PCDHGB2: variants seen among roughly 807,000 people sequenced by gnomAD.
PCDHGB2 encodes protocadherin gamma subfamily B, 2.
Under a neutral mutation model 59.3 loss-of-function variants are expected in PCDHGB2, and 55 were observed. The ratio of observed to expected loss-of-function variants is 0.93; its 90% confidence interval spans 0.75 to 1.16. The LOEUF is 1.16. Ranked by LOEUF, PCDHGB2 falls within the 50% of genes most tolerant of loss-of-function variation. The pLI is 0.00. For missense variants in PCDHGB2, 1,228 were observed against 1,198.5 expected (o/e 1.02, Z -0.36); for synonymous variants, 516 against 512.0 (o/e 1.01, Z -0.11).
chr5:141,420,669 G>A (rs1018355067), intron 1 of PCDHGB2, among the ~76,000 whole-genome samples: 2 of 152,202 alleles, frequency 1.3e-5, no homozygotes, highest in South Asian at 2.1e-4. Context: ...CATCCTACCT[G>A]ATGATTTTAT....
intron 1 of PCDHGB2, among the ~76,000 whole-genome samples, chr5:141,460,889 G>A (rs901987902): frequency 3.3e-5 from 5 of 150,280 alleles, no homozygotes; most frequent in East Asian, 3.9e-4. Flanking sequence ...ATGCCTTTTC[G>A]TGGCTGAGTA....
chr5:141,389,111 C>G (rs752785695), intron 1 of PCDHGB2: 8 of 1,614,008 alleles, frequency 5.0e-6, no homozygotes, highest in Non-Finnish European at 6.8e-6. Flanking sequence ...CTGTTCTAGA[C>G]CGCGAGCAGA....
Position 141,374,036 on chromosome 5 carries a change from T to A in PCDHGB2, c.2421+11480T>A, listed in dbSNP as rs1197277740. On this transcript the variant is annotated intron_variant, in intron 1 of 3. Coordinates refer to ENST00000522605, the MANE Select transcript of PCDHGB2 (RefSeq NM_018923.3). The stretch of plus-strand genomic sequence containing the variant: ...CTGAGAAGAGCAAAAGTGATGCAGA[T>A]CTGTTCTTCCTCTTCTTAATCCCAG... 3.5e-6 allele frequency: 5 copies of A among 1,445,796 alleles called. No individual in the cohort carries two copies. In the Admixed American group the frequency reaches 1.1e-4, roughly 32 times the overall value. 89.6% of individuals were successfully genotyped at this position (1,445,796 alleles called of 1,614,324 possible). A position where few individuals can be genotyped will look rare whatever the true frequency, so the allele number is the denominator to read the frequency against.
chr5:141,399,753 G>A (rs1418820057), intron 1 of PCDHGB2: 6 of 1,613,252 alleles, frequency 3.7e-6, no homozygotes, highest in Middle Eastern at 1.7e-4. Flanking sequence ...GCGCAAACGT[G>A]AGCCTGCGCG....
At chr5:141,450,702 G>A (rs1466981422) in intron 1 of PCDHGB2, among the ~76,000 whole-genome samples, 1 of 152,026 alleles carries the variant, frequency 6.6e-6, no homozygotes, top group Non-Finnish European at 1.5e-5. Flanking sequence ...GCCCAGGATG[G>A]TCTCCAACTC....
At chr5:141,417,555 TAGAGA>T (rs926975589) in intron 1 of PCDHGB2, 38 of 335,630 alleles carry the variant, frequency 1.1e-4, no homozygotes, top group Non-Finnish European at 1.5e-4. Context: ...TTGAAAGAGG[TAGAGA>T]AAAGTCAAGT....
intron 1 of PCDHGB2, among the ~76,000 whole-genome samples, chr5:141,363,346 G>C (rs1762883657): frequency 6.6e-6 from 1 of 152,068 alleles, no homozygotes; most frequent in African/African-American, 2.4e-5. Flanking sequence ...ATGACTTTCT[G>C]AAATGTCCAT....
intron 1 of PCDHGB2, chr5:141,409,931 A>G: frequency 1.2e-6 from 2 of 1,613,260 alleles, no homozygotes; most frequent in Non-Finnish European, 1.7e-6. Flanking sequence ...GTTCTTCGAT[A>G]TGGTACCTCG....
rs1562157859 is a variant in PCDHGB2 at position 141,493,022 on chromosome 5, G to GTGCC, written c.2422-1784_2422-1781dup. Among the ~76,000 whole-genome samples, 2 of 152,222 alleles carry GTGCC rather than the reference G, an allele frequency of 1.3e-5. No homozygotes were observed. Among genetic ancestry groups the GTGCC allele is most frequent in the African/African-American group, 4.8e-5 (2 of 41,454 alleles). ...GCTATAGGCTCTGCCAGATGCCAGG[G>GTGCC]TGCCCTTATGTGTGAGGAAACTACA... On this transcript the variant is annotated intron_variant, in intron 1 of 3. Coordinates refer to ENST00000522605, the MANE Select transcript of PCDHGB2 (RefSeq NM_018923.3). The surrounding 1 kb of genome is among the most constrained non-coding windows in gnomAD (Gnocchi z 4.3).
Position 141,491,947 on chromosome 5 carries a change from C to T in PCDHGB2, c.2422-2860C>T. ...GGGGAGGTGGGACCGACCCCCACCCCTACACTCAAAAAAGGCCGGGGCCTC... is the reference window on the plus strand; with the variant it reads ...GGGGAGGTGGGACCGACCCCCACCCTTACACTCAAAAAAGGCCGGGGCCTC... On this transcript the variant is annotated intron_variant, in intron 1 of 3. Coordinates refer to ENST00000522605, the MANE Select transcript of PCDHGB2 (RefSeq NM_018923.3). The surrounding 1 kb of genome is among the most constrained non-coding windows in gnomAD (Gnocchi z 6.9). 1 of 1,114,210 alleles carries T rather than the reference C, an allele frequency of 9.0e-7. No individual in the cohort carries two copies. The highest frequency in any genetic ancestry group is 1.2e-6 in the Non-Finnish European group (1 of 815,758). 69.0% of individuals were successfully genotyped at this position (1,114,210 alleles called of 1,614,324 possible). A position where few individuals can be genotyped will look rare whatever the true frequency, so the allele number is the denominator to read the frequency against.
chr5:141,380,649 A>G (rs1354203302), intron 1 of PCDHGB2, among the ~76,000 whole-genome samples: 1 of 152,230 alleles, frequency 6.6e-6, no homozygotes, highest in East Asian at 1.9e-4. Flanking sequence ...GCTAGAGACA[A>G]TGAAGCCATT....
At chr5:141,401,599 G>A (rs368569328) in intron 1 of PCDHGB2, among the ~76,000 whole-genome samples, 22 of 152,278 alleles carry the variant, frequency 1.4e-4, no homozygotes, top group African/African-American at 4.8e-4. Context: ...CTTGAAGAAG[G>A]GGAAAAAGAC....
Position 141,360,930 on chromosome 5 carries a change from A to T in PCDHGB2, c.795A>T (p.Thr265=). 1 of 1,614,028 alleles carries T rather than the reference A, an allele frequency of 6.2e-7. No individual in the cohort carries two copies. The highest frequency in any genetic ancestry group is 2.2e-5 in the East Asian group (1 of 44,884). ...VPPGFFVLQV[T]ATDRDEGINA... is the part of the protein sequence containing the mutation. The stretch of plus-strand genomic sequence containing the variant: ...CGGGCTTCTTTGTGCTTCAAGTGAC[A>T]GCCACCGACCGGGATGAAGGCATAA... The change falls in exon 1 of 4, where the codon ACA becomes ACT. Residue 265 remains threonine (T), a synonymous_variant. Coordinates refer to ENST00000522605, the MANE Select transcript of PCDHGB2 (RefSeq NM_018923.3).
At position 141,431,982 on chromosome 5, in the gene PCDHGB2, T is replaced by G. The variant is rs2097433926; in HGVS notation, c.2422-62825T>G. The G allele has an allele frequency of 6.2e-7, 1 of 1,614,212 alleles. No homozygotes were observed. Among genetic ancestry groups the G allele is most frequent in the African/African-American group, 1.3e-5 (1 of 75,056 alleles). ...AATTACTATAGTTTAGTCACAGACA[T>G]AGTCTTGGATAGGGAACAGGTTCCT... On this transcript the variant is annotated intron_variant, in intron 1 of 3. Transcript: ENST00000522605. The surrounding 1 kb of genome is among the most constrained non-coding windows in gnomAD (Gnocchi z 4.8).
rs1444834123 is a variant in PCDHGB2 at position 141,362,570 on chromosome 5, A to T, written c.2421+14A>T. 1 of 1,606,622 alleles carries T rather than the reference A, an allele frequency of 6.2e-7. No homozygotes were observed. Among genetic ancestry groups the T allele is most frequent in the Non-Finnish European group, 8.5e-7 (1 of 1,176,538 alleles). On this transcript the variant is annotated intron_variant, in intron 1 of 3. Coordinates refer to ENST00000522605, the MANE Select transcript of PCDHGB2 (RefSeq NM_018923.3). ...ACTATTTTGAAGGTGAGCTTTAATT[A>T]ATTTATTTTCACTTCTGGTTTTATT...
In PCDHGB2 at chr5:141,362,108, C is replaced by T; in HGVS notation, c.1973C>T (p.Ala658Val). 8.1e-6 allele frequency: 13 copies of T among 1,613,972 alleles called. No individual in the cohort carries two copies. Among genetic ancestry groups the T allele is most frequent in the Non-Finnish European group, 1.1e-5 (13 of 1,179,902 alleles). The change falls in exon 1 of 4, where the codon GCC becomes GTC. Residue 658 changes from alanine (A) to valine (V), a missense_variant. By Grantham distance (64) the Ala-to-Val change is moderately conservative. Coordinates refer to ENST00000522605, the MANE Select transcript of PCDHGB2 (RefSeq NM_018923.3). The stretch of plus-strand genomic sequence containing the variant: ...GGACAGCCGCCACTCTCCGCTACGG[C>T]CACGCTGCACCTAATCTTCGCGGAT... Reference protein sequence around the residue: ...DGGQPPLSATATLHLIFADSL... With the variant: ...DGGQPPLSATVTLHLIFADSL...
Position 141,491,248 on chromosome 5 carries a change from G to T in PCDHGB2, c.2422-3559G>T, listed in dbSNP as rs757712577. On this transcript the variant is annotated intron_variant, in intron 1 of 3. Transcript: ENST00000522605. The surrounding 1 kb of genome is among the most constrained non-coding windows in gnomAD (Gnocchi z 6.9). ...AGTGCTGCTGGTTCTGGAGGATGAG[G>T]ACCCTGAGGAAATGCCCAAATCCAG... 3 of 1,614,170 alleles carry T rather than the reference G, an allele frequency of 1.9e-6. No individual in the cohort carries two copies. Among genetic ancestry groups the T allele is most frequent in the Non-Finnish European group, 2.5e-6 (3 of 1,180,018 alleles).
intron 1 of PCDHGB2, chr5:141,382,731 A>C: frequency 3.6e-6 from 2 of 554,530 alleles, no homozygotes; most frequent in Non-Finnish European, 6.1e-6. Context: ...TTTACAGCAC[A>C]GAGAAACGAC....
chr5:141,493,204 C>T lies in PCDHGB2; in HGVS notation c.2422-1603C>T, dbSNP rs2099746929. Among the ~76,000 whole-genome samples, 1 of 152,216 alleles carries T rather than the reference C, an allele frequency of 6.6e-6. No individual in the cohort carries two copies. Among genetic ancestry groups the T allele is most frequent in the Non-Finnish European group, 1.5e-5 (1 of 68,042 alleles). Reference sequence around the variant, plus strand: ...TATATAACTCCTTTGAGAACCTCATCTCATTTGCTCTTCCCACCATTGCTG... The same window carrying T: ...TATATAACTCCTTTGAGAACCTCATTTCATTTGCTCTTCCCACCATTGCTG... On this transcript the variant is annotated intron_variant, in intron 1 of 3. Transcript: ENST00000522605. This position sits in a 1 kb window ranked among gnomAD's most constrained non-coding sequence, Gnocchi z 4.3.
Sources: allele counts gnomAD v4.1 joint callset (sites outside exome capture counted in the v4.1 genomes callset), GRCh38; gene constraint gnomAD v4.1.1; non-coding constraint Gnocchi (gnomAD v3.1); transcripts MANE v1.5; gene names NCBI Gene and HGNC (gene_info 2026-07-23, HGNC 2026-07-21).